The following CCDC9 variants were observed in gnomAD, a reference collection of about 807,000 sequenced individuals.
CCDC9 encodes coiled-coil domain containing 9.
A neutral mutation model predicts 65.6 loss-of-function variants in CCDC9; 52 were observed. The observed-to-expected ratio is 0.79, with a 90% confidence interval of 0.63 to 1.00. The LOEUF (loss-of-function observed/expected upper bound fraction) is 1.00. CCDC9 is among the 50% of genes least tolerant of loss of function. The pLI is 0.00. For synonymous variants in CCDC9, 332 were observed against 280.3 expected (o/e 1.18, Z -1.84); for missense variants, 834 against 757.2 (o/e 1.10, Z -1.19).
rs2059114985 is a variant in CCDC9, at chr19:47,271,295, G to C, written c.1213G>C (p.Ala405Pro). 6.2e-7 allele frequency: 1 copy of C among 1,612,568 alleles called. No homozygotes were observed. The highest frequency in any genetic ancestry group is 8.5e-7 in the Non-Finnish European group (1 of 1,179,358). The change falls in exon 12 of 12, where the codon GCC (alanine) becomes CCC (proline). Residue 405 changes from alanine (A) to proline (P), a missense_variant. By Grantham distance (27) the Ala-to-Pro change is conservative. Transcript: ENST00000221922. ...AAAGCCACCCGAGATCCCAGCTCCT[G>C]CCCACCGGCCTCCTGAAGACGAGGG... ...PMQPPEIPAP[A>P]HRPPEDEGEE...
Position 47,260,347 on chromosome 19 carries a change from T to C in CCDC9, c.135T>C (p.Ala45=), listed in dbSNP as rs1450734262. 22 of 1,598,608 alleles carry C rather than the reference T, an allele frequency of 1.4e-5. No homozygotes were observed. The highest frequency in any genetic ancestry group is 1.8e-5 in the Non-Finnish European group (21 of 1,172,392). ...YQEIEEDRKK[A]ELEGVAVTAP... is the part of the protein sequence containing the mutation. ...AGATTGAGGAAGACCGTAAGAAAGCTGAACTTGAGGGAGTCGCAGTCACAG... is the reference window on the plus strand; with the variant it reads ...AGATTGAGGAAGACCGTAAGAAAGCCGAACTTGAGGGAGTCGCAGTCACAG... The change falls in exon 4 of 12, where the codon GCT becomes GCC. Residue 45 remains alanine (A), a synonymous_variant. Coordinates refer to ENST00000221922, the MANE Select transcript of CCDC9 (RefSeq NM_015603.3).
chr19:47,275,351 C>T (rs759124478), downstream of CCDC9: 1 of 1,538,218 alleles, frequency 6.5e-7, no homozygotes, highest in Non-Finnish European at 8.8e-7. Context: ...CCGGGTAACT[C>T]TCCCTTCCAC....
At chr19:47,272,205 C>T, downstream of CCDC9, 5 of 1,190,010 alleles carry the variant, frequency 4.2e-6, no homozygotes, top group Non-Finnish European at 5.3e-6. Flanking sequence ...GCTGCTTCCT[C>T]TTTCTCTGGG....
chr19:47,270,723 A>G, intron 10 of CCDC9, 35 bp downstream of exon 10: 1 of 1,583,558 alleles, frequency 6.3e-7, no homozygotes, highest in Non-Finnish European at 8.6e-7. Context: ...GCATACCCCC[A>G]GGGCTCTCCG....
intron 8 of CCDC9, 85 bp from the exon 9 acceptor site, chr19:47,270,322 T>C: frequency 7.4e-7 from 1 of 1,345,158 alleles, no homozygotes; most frequent in African/African-American, 1.4e-5. Flanking sequence ...CTGATCCGAT[T>C]CCTGACCCTG....
At chr19:47,269,558 C>T (rs769562433) in intron 8 of CCDC9, among the ~76,000 whole-genome samples, 6 of 152,030 alleles carry the variant, frequency 3.9e-5, no homozygotes, top group Admixed American at 6.6e-5. Flanking sequence ...ACCCTGGTCT[C>T]GAACTCCTGG....
chr19:47,274,268 C>G (rs1033489819), downstream of CCDC9, among the ~76,000 whole-genome samples: 1 of 149,164 alleles, frequency 6.7e-6, no homozygotes, highest in Admixed American at 6.7e-5. Context: ...CGGAGCTAGG[C>G]TGCCTGGGCG....
Position 47,260,392 on chromosome 19 carries a change from A to G in CCDC9, c.180A>G (p.Ser60=), listed in dbSNP as rs747050480. 1.2e-6 allele frequency: 2 copies of G among 1,607,084 alleles called. No individual in the cohort carries two copies. Among genetic ancestry groups the G allele is most frequent in the Non-Finnish European group, 1.7e-6 (2 of 1,176,840 alleles). ...VAVTAPRKGR[S]VEKENVAVES... ...TCACAGCTCCCCGAAAGGGCCGCTCAGTGGAGAAGGAGAACGTGGCAGTGG... is the reference window on the plus strand; with the variant it reads ...TCACAGCTCCCCGAAAGGGCCGCTCGGTGGAGAAGGAGAACGTGGCAGTGG... Residue 60 remains serine (S), a synonymous_variant, in exon 4 of 12, where the codon TCA becomes TCG. Transcript: ENST00000221922.
rs745709397 is a variant in CCDC9 at position 47,260,634 on chromosome 19, C to A, written c.257C>A (p.Pro86His). ...CGGAGGTCTCCTGGGACCCCTCGGCCCCCAGGGGCCAGCAAGGGGGGCCGG... is the reference window on the plus strand; with the variant it reads ...CGGAGGTCTCCTGGGACCCCTCGGCACCCAGGGGCCAGCAAGGGGGGCCGG... ...PSRRSPGTPR[P>H]PGASKGGRTP... The change falls in exon 5 of 12, where the codon CCC (proline) becomes CAC (histidine). Residue 86 changes from proline (P) to histidine (H), a missense_variant. Coordinates refer to ENST00000221922, the MANE Select transcript of CCDC9 (RefSeq NM_015603.3). The A allele has an allele frequency of 1.4e-5, 22 of 1,523,470 alleles. No homozygotes were observed. The highest frequency in any genetic ancestry group is 1.7e-6 in the Non-Finnish European group (2 of 1,145,038). 94.4% of individuals were successfully genotyped at this position (1,523,470 alleles called of 1,614,324 possible). A position where few individuals can be genotyped will look rare whatever the true frequency, so the allele number is the denominator to read the frequency against.
At chr19:47,264,977 C>A in intron 7 of CCDC9, 31 bp downstream of exon 7, 1 of 1,427,066 alleles carries the variant, frequency 7.0e-7, no homozygotes, top group Non-Finnish European at 9.1e-7. Flanking sequence ...CACCTCGGGG[C>A]TCTCAGGGCT....
chr19:47,257,525 T>A (rs1222293969), intron 1 of CCDC9: 1 of 152,310 alleles, frequency 6.6e-6, no homozygotes, highest in Non-Finnish European at 1.5e-5. Context: ...GACGTGGCCC[T>A]GGCATTCCCA....
downstream of CCDC9, chr19:47,275,447 T>C: frequency 7.1e-7 from 1 of 1,410,354 alleles, no homozygotes; most frequent in South Asian, 1.5e-5. Context: ...TTCTTCCTAA[T>C]GACATCGCTC....
chr19:47,267,461 T>G (rs2059089705), intron 8 of CCDC9, among the ~76,000 whole-genome samples: 1 of 152,108 alleles, frequency 6.6e-6, no homozygotes, highest in Admixed American at 6.6e-5. Flanking sequence ...GCTGAGCTGA[T>G]CCAGGCTGGA....
At chr19:47,256,784 G>T (rs1418787554) in intron 1 of CCDC9, among the ~76,000 whole-genome samples, 175 bp downstream of exon 1, 1 of 142,040 alleles carries the variant, frequency 7.0e-6, no homozygotes, top group South Asian at 2.3e-4. Flanking sequence ...TGGGTGGGTG[G>T]GCAGGGTCGG....
downstream of CCDC9, chr19:47,275,478 C>G: frequency 3.0e-6 from 4 of 1,319,414 alleles, no homozygotes; most frequent in Non-Finnish European, 4.0e-6. Context: ...GAGCCGTCAT[C>G]CCGCGGAATG....
chr19:47,266,440 A>C, intron 7 of CCDC9, 171 bp from the exon 8 acceptor site: 7 of 939,072 alleles, frequency 7.5e-6, no homozygotes, highest in Non-Finnish European at 1.1e-5. Context: ...GATGCTACTT[A>C]GGAGATCTGA....
In CCDC9 at chr19:47,270,613, A is replaced by G; in HGVS notation, c.1010A>G (p.His337Arg). The G allele has an allele frequency of 6.2e-7, 1 of 1,613,400 alleles. No homozygotes were observed. Among genetic ancestry groups the G allele is most frequent in the African/African-American group, 1.3e-5 (1 of 75,030 alleles). The stretch of plus-strand genomic sequence containing the variant: ...ACTTTTGGGGAGTTCCTGTCCCAGC[A>G]CAAAGCTGAGGCCAGCAGCCGCAGA... Reference protein sequence around the residue: ...PPTFGEFLSQHKAEASSRRRR... With the variant: ...PPTFGEFLSQRKAEASSRRRR... The change falls in exon 10 of 12, where the codon CAC becomes CGC. Residue 337 changes from histidine to arginine, a missense_variant. Physicochemically the swap from His to Arg is conservative, Grantham distance 29. Coordinates refer to ENST00000221922, the MANE Select transcript of CCDC9 (RefSeq NM_015603.3).
rs1181994711 is a variant in CCDC9 at position 47,271,529 on chromosome 19, C to T, written c.1447C>T (p.Pro483Ser). ...PEEPLLEPQA[P>S]GTPSSPFSPP... ...GGAGCCCCTGCTGGAGCCCCAGGCC[C>T]CTGGCACGCCTTCCAGCCCTTTCTC... The change falls in exon 12 of 12, where the codon CCT (proline) becomes TCT (serine). Residue 483 changes from proline (P) to serine (S), a missense_variant. Pro to Ser is a moderately conservative substitution (Grantham distance 74). Coordinates refer to ENST00000221922, the MANE Select transcript of CCDC9 (RefSeq NM_015603.3). 1 of 1,613,078 alleles carries T rather than the reference C, an allele frequency of 6.2e-7. No individual in the cohort carries two copies. The highest frequency in any genetic ancestry group is 1.7e-5 in the Admixed American group (1 of 60,004).
At chr19:47,257,457 G>A (rs2059018046) in intron 1 of CCDC9, 1 of 150,976 alleles carries the variant, frequency 6.6e-6, no homozygotes, top group Non-Finnish European at 1.5e-5. Context: ...GAAAGGCGGG[G>A]CCAGAAAGTT....
Sources: allele counts gnomAD v4.1 joint callset (sites outside exome capture counted in the v4.1 genomes callset), GRCh38; gene constraint gnomAD v4.1.1; transcripts MANE v1.5; gene names NCBI Gene and HGNC (gene_info 2026-07-23, HGNC 2026-07-21).